Variants in CGNL1 observed in about 807,000 individuals in gnomAD.
CGNL1 encodes cingulin-like protein 1.
In CGNL1, 132 loss-of-function variants were observed where a neutral mutation model predicts 141.2. The ratio of observed to expected loss-of-function variants is 0.93; its 90% CI spans 0.81 to 1.08. The LOEUF (loss-of-function observed/expected upper bound fraction) is 1.08, where lower values mean the gene tolerates loss of function less well. CGNL1 is among the 50% of genes least tolerant of loss of function. The pLI is 0.00. For synonymous variants in CGNL1, 690 were observed against 622.1 expected, an observed-to-expected ratio of 1.11 and a Z score of -1.63; for missense variants, 1,870 against 1,588.6, an observed-to-expected ratio of 1.18 and a Z score of -3.01.
chr15:57,491,408 C>T (rs2063860996), intron 8 of CGNL1, among the ~76,000 whole-genome samples: 1 of 152,210 alleles, frequency 6.6e-6, no homozygotes, highest in African/African-American at 2.4e-5. Flanking sequence ...GCACCAGTTG[C>T]ATCTCTGTTC....
chr15:57,415,455 A>G (rs2062838260), intron 1 of CGNL1, among the ~76,000 whole-genome samples: 1 of 152,220 alleles, frequency 6.6e-6, no homozygotes, highest in African/African-American at 2.4e-5. Context: ...AGGGACCAAG[A>G]GCTGAGAAAT....
intron 8 of CGNL1, among the ~76,000 whole-genome samples, chr15:57,513,774 G>A (rs1158160721): frequency 6.6e-6 from 1 of 152,040 alleles, no homozygotes; most frequent in Non-Finnish European, 1.5e-5. Context: ...TGCCCGCCTC[G>A]GCCTCCCAAA....
chr15:57,523,619 C>T lies in CGNL1; in HGVS notation c.2846C>T (p.Thr949Ile), dbSNP rs746750106. 1 of 1,613,952 alleles carries T rather than the reference C, an allele frequency of 6.2e-7. No homozygotes were observed. Among genetic ancestry groups the T allele is most frequent in the Non-Finnish European group, 8.5e-7 (1 of 1,179,984 alleles). The change falls in exon 11 of 19, where the codon ACC becomes ATC. Residue 949 changes from threonine to isoleucine, a missense_variant. Transcript: ENST00000281282. ...AATGAGCGGTGGCACCTGGGCAAAA[C>T]CATTGAGAAACTGCAGAAGGAGGTG... ...MENERWHLGKTIEKLQKEMAD... is the reference protein window; with the variant it reads ...MENERWHLGKIIEKLQKEMAD...
At chr15:57,425,655 C>T (rs1214757097) in intron 1 of CGNL1, among the ~76,000 whole-genome samples, 3 of 150,054 alleles carry the variant, frequency 2.0e-5, no homozygotes, top group South Asian at 2.1e-4. Context: ...GTGGGAGAAT[C>T]GCTTGAACCT....
intron 12 of CGNL1, 85 bp from the exon 13 acceptor site, chr15:57,528,569 G>T (rs552684650): frequency 6.4e-5 from 88 of 1,379,710 alleles, no homozygotes; most frequent in Admixed American, 1.6e-4. Flanking sequence ...CTTCCTTTTG[G>T]TGGGGTCAGC....
chr15:57,459,749 G>A (rs16977515), intron 7 of CGNL1, among the ~76,000 whole-genome samples: 10,530 of 152,224 alleles, frequency 0.069, 644 homozygotes, highest in East Asian at 0.31. Context: ...ACGAGAGAAA[G>A]TCAAAGTCCT....
chr15:57,456,646 C>T (rs1471970197), intron 7 of CGNL1, among the ~76,000 whole-genome samples: 3 of 150,362 alleles, frequency 2.0e-5, no homozygotes, highest in Non-Finnish European at 3.0e-5. Context: ...TTTTTCAGCT[C>T]AAGTTACAAA....
At chr15:57,516,629 C>T in intron 8 of CGNL1, 151 bp from the exon 9 acceptor site, 1 of 720,844 alleles carries the variant, frequency 1.4e-6, no homozygotes, top group Admixed American at 2.5e-5. Flanking sequence ...CTGGGTTTGG[C>T]CTGCAGGCTG....
intron 1 of CGNL1, 51 bp from the exon 2 acceptor site, chr15:57,437,933 CA>C: frequency 2.1e-6 from 3 of 1,427,856 alleles, no homozygotes; most frequent in South Asian, 1.3e-5. Context: ...TTCATTTAAA[CA>C]GATGTAATTC....
chr15:57,389,325 G>A (rs549114178), intron 1 of CGNL1, among the ~76,000 whole-genome samples: 2 of 152,294 alleles, frequency 1.3e-5, no homozygotes, highest in South Asian at 4.1e-4. Context: ...AAAACCTGTA[G>A]TTTCCAACTG....
chr15:57,441,662 C>T (rs2063188853), intron 3 of CGNL1, among the ~76,000 whole-genome samples: 1 of 152,190 alleles, frequency 6.6e-6, no homozygotes, highest in Non-Finnish European at 1.5e-5. Flanking sequence ...AGCCACCGCA[C>T]CTGGCCAAAA....
At chr15:57,506,224 G>C (rs2064100267) in intron 8 of CGNL1, among the ~76,000 whole-genome samples, 1 of 152,216 alleles carries the variant, frequency 6.6e-6, no homozygotes, top group African/African-American at 2.4e-5. Flanking sequence ...GTGACGCAGA[G>C]CGCTGGAAGC....
chr15:57,524,568 T>G lies in CGNL1; in HGVS notation c.2869-13T>G, dbSNP rs1384680092. On this transcript the variant is annotated splice_polypyrimidine_tract_variant and intron_variant, in intron 11 of 18. Coordinates refer to ENST00000281282, the MANE Select transcript of CGNL1 (RefSeq NM_032866.5). Reference sequence around the variant, plus strand: ...ATCCCAGGGTGGGCTCACACCCGTGTCACTTCTTCTAGATGGCAGACATTG... The same window carrying G: ...ATCCCAGGGTGGGCTCACACCCGTGGCACTTCTTCTAGATGGCAGACATTG... 1 of 1,608,966 alleles carries G rather than the reference T, an allele frequency of 6.2e-7. No individual in the cohort carries two copies. Among genetic ancestry groups the G allele is most frequent in the African/African-American group, 1.3e-5 (1 of 74,670 alleles).
intron 8 of CGNL1, among the ~76,000 whole-genome samples, chr15:57,510,237 T>C (rs1461403585): frequency 3.3e-5 from 5 of 152,178 alleles, no homozygotes; most frequent in African/African-American, 1.2e-4. Flanking sequence ...TGACGAGAGC[T>C]GTAATCCCAT....
At position 57,523,678 on chromosome 15, in the gene CGNL1, G is replaced by T. The variant is rs1241952804; in HGVS notation, c.2868+37G>T. 5.0e-6 allele frequency: 8 copies of T among 1,609,514 alleles called. No individual in the cohort carries two copies. In the African/African-American group the frequency reaches 1.1e-4, roughly 22 times the overall value. The stretch of plus-strand genomic sequence containing the variant: ...GAGGAGGAAAGAGGAAGTAGGGCCA[G>T]ATGTCTTTGTTGGACCCAGTCCCCT... On this transcript the variant is annotated intron_variant, in intron 11 of 18. Transcript: ENST00000281282.
intron 8 of CGNL1, among the ~76,000 whole-genome samples, chr15:57,472,097 G>T (rs562271584): frequency 1.3e-5 from 2 of 152,176 alleles, no homozygotes; most frequent in South Asian, 2.1e-4. Context: ...ATATATACAT[G>T]TGTAATTCAG....
At position 57,439,450 on chromosome 15, in the gene CGNL1, C is replaced by T. The variant is rs753036039; in HGVS notation, c.1451C>T (p.Ala484Val). ...AGTCAGGAAAGTACAGTGATCCGTG[C>T]GCCCTCCCTTGGTGCACAGAGTAAA... ...EGSQESTVIR[A>V]PSLGAQSKKE... The change falls in exon 2 of 19, where the codon GCG becomes GTG. Residue 484 changes from alanine (A) to valine (V), a missense_variant. Transcript: ENST00000281282. 3 of 1,614,206 alleles carry T rather than the reference C, an allele frequency of 1.9e-6. No homozygotes were observed. Among genetic ancestry groups the T allele is most frequent in the East Asian group, 2.2e-5 (1 of 44,882 alleles).
chr15:57,446,256 C>T (rs1467533933), intron 4 of CGNL1, among the ~76,000 whole-genome samples: 1 of 152,132 alleles, frequency 6.6e-6, no homozygotes, highest in Non-Finnish European at 1.5e-5. Context: ...TCCATCTATA[C>T]AGTTCATTGA....
At chr15:57,397,818 T>C (rs947394175) in intron 1 of CGNL1, among the ~76,000 whole-genome samples, 4 of 151,622 alleles carry the variant, frequency 2.6e-5, no homozygotes, top group African/African-American at 9.7e-5. Flanking sequence ...AGTCTCTCTC[T>C]GTCGCCCATG....
Sources: allele counts gnomAD v4.1 joint callset (sites outside exome capture counted in the v4.1 genomes callset), GRCh38; gene constraint gnomAD v4.1.1; transcripts MANE v1.5; gene names NCBI Gene and HGNC (gene_info 2026-07-23, HGNC 2026-07-21).